The following TMEM45A variants were observed in gnomAD, a reference collection of about 807,000 sequenced individuals.
TMEM45A encodes transmembrane protein 45A.
In TMEM45A, 25 loss-of-function variants were observed where a neutral mutation model predicts 32.0. The observed-to-expected ratio is 0.78, with a 90% confidence interval of 0.57 to 1.09. The LOEUF is 1.09. TMEM45A is among the 50% of genes least tolerant of loss of function. TMEM45A has a pLI of 0.00. For synonymous variants in TMEM45A, 122 were observed against 114.8 expected, an observed-to-expected ratio of 1.06 and a Z score of -0.40; for missense variants, 302 against 325.0, an observed-to-expected ratio of 0.93 and a Z score of 0.54.
At chr3:100,539,185 C>T (rs1705800856) in intron 1 of TMEM45A, among the ~76,000 whole-genome samples, 1 of 152,048 alleles carries the variant, frequency 6.6e-6, no homozygotes, top group South Asian at 2.1e-4. Context: ...ACTGATACTA[C>T]CTGACTTCAA....
At chr3:100,515,658 G>A (rs1458450005) in intron 1 of TMEM45A, among the ~76,000 whole-genome samples, 1 of 150,678 alleles carries the variant, frequency 6.6e-6, no homozygotes, top group Non-Finnish European at 1.5e-5. Context: ...AAGAACTATT[G>A]AGCCACAAAA....
At chr3:100,576,188 C>G (rs6803109) in intron 5 of TMEM45A, among the ~76,000 whole-genome samples, 1 of 151,856 alleles carries the variant, frequency 6.6e-6, no homozygotes, top group Non-Finnish European at 1.5e-5. Context: ...CAGTGGCTCA[C>G]GCCTGTAATC....
chr3:100,512,653 A>G (rs1708186341), intron 1 of TMEM45A, among the ~76,000 whole-genome samples: 1 of 150,296 alleles, frequency 6.7e-6, no homozygotes, highest in African/African-American at 2.4e-5. Context: ...ATAGAGACAC[A>G]AAAAACCCTT....
At chr3:100,509,124 AT>A (rs2148933940) in intron 1 of TMEM45A, among the ~76,000 whole-genome samples, 1 of 152,346 alleles carries the variant, frequency 6.6e-6, no homozygotes, top group East Asian at 1.9e-4. Flanking sequence ...CAGAAAAAAA[AT>A]CCCATCAGAT....
At chr3:100,553,626 G>T (rs1259220329) in intron 1 of TMEM45A, among the ~76,000 whole-genome samples, 1 of 152,160 alleles carries the variant, frequency 6.6e-6, no homozygotes, top group East Asian at 1.9e-4. Context: ...TGGTGGTTAA[G>T]ATAATAAATC....
chr3:100,519,493 C>A (rs977754675), intron 1 of TMEM45A: 26 of 1,463,710 alleles, frequency 1.8e-5, no homozygotes, highest in Non-Finnish European at 2.1e-5. Flanking sequence ...GAAGCAAAGG[C>A]TCAATTTTGG....
intron 5 of TMEM45A, chr3:100,570,570 TGCCATTGAGTGAA>T (rs1291547042): frequency 2.0e-5 from 3 of 152,416 alleles, no homozygotes; most frequent in African/African-American, 7.2e-5. Context: ...AGACTGGCTC[TGCCATTGAGTGAA>T]ACTTGGCTTC....
intron 5 of TMEM45A, among the ~76,000 whole-genome samples, chr3:100,570,015 A>G (rs935265054): frequency 6.6e-6 from 1 of 152,222 alleles, no homozygotes; most frequent in Non-Finnish European, 1.5e-5. Flanking sequence ...GCTGATTTCA[A>G]TGACCAGGCA....
chr3:100,551,235 G>T (rs1457721703), intron 1 of TMEM45A, among the ~76,000 whole-genome samples: 4 of 152,040 alleles, frequency 2.6e-5, no homozygotes, highest in African/African-American at 9.7e-5. Context: ...GGATGGTCTC[G>T]ATCTCCTGAC....
Position 100,558,593 on chromosome 3 carries a change from A to T in TMEM45A, c.588+4A>T, listed in dbSNP as rs778701330. Reference sequence around the variant, plus strand: ...TCAGGGGAGCTGGTTCTTTCAGGTGAGTTGGGGCCTCTAGTTAATGTACCT... The same window carrying T: ...TCAGGGGAGCTGGTTCTTTCAGGTGTGTTGGGGCCTCTAGTTAATGTACCT... On this transcript the variant is annotated splice_donor_region_variant and intron_variant, in intron 4 of 5. Coordinates refer to ENST00000323523, the MANE Select transcript of TMEM45A (RefSeq NM_018004.3). 1 of 1,612,892 alleles carries T rather than the reference A, an allele frequency of 6.2e-7. No homozygotes were observed. The highest frequency in any genetic ancestry group is 1.7e-5 in the Admixed American group (1 of 59,898).
In TMEM45A at chr3:100,545,475, C is replaced by T. The variant is rs1705964187; in HGVS notation, c.-3-9734C>T. ...TAGCTGTATTTTTCATTATCTCCTA[C>T]CCCAGTGACTACAATGTCTCCTGCA... On this transcript the variant is annotated intron_variant, in intron 1 of 5. Coordinates refer to ENST00000323523, the MANE Select transcript of TMEM45A (RefSeq NM_018004.3). Among the ~76,000 whole-genome samples, 6 of 152,162 alleles carry T rather than the reference C, an allele frequency of 3.9e-5. No homozygotes were observed. In the South Asian group the frequency reaches 1.2e-3, roughly 32 times the overall value.
chr3:100,550,906 G>A (rs774442260), intron 1 of TMEM45A, among the ~76,000 whole-genome samples: 11 of 152,178 alleles, frequency 7.2e-5, no homozygotes, highest in African/African-American at 2.2e-4. Context: ...ATTAGAAGTG[G>A]AGGGCTTCTT....
At position 100,568,848 on chromosome 3, in the gene TMEM45A, T is replaced by C. The variant is rs1301372484; in HGVS notation, c.615T>C (p.Ser205=). ...FQIGFVLYPP[S]GGPAWDLMDH... ...TTGGATTTGTCCTGTATCCCCCCAG[T>C]GGAGGTCCTGCATGGGATCTGATGG... The change falls in exon 5 of 6, where the codon AGT becomes AGC. Residue 205 remains serine, a synonymous_variant. Coordinates refer to ENST00000323523, the MANE Select transcript of TMEM45A (RefSeq NM_018004.3). The C allele has an allele frequency of 6.2e-7, 1 of 1,613,330 alleles. No individual in the cohort carries two copies. Among genetic ancestry groups the C allele is most frequent in the African/African-American group, 1.3e-5 (1 of 74,926 alleles).
chr3:100,537,305 C>G (rs1390171771), intron 1 of TMEM45A, among the ~76,000 whole-genome samples: 2 of 152,028 alleles, frequency 1.3e-5, no homozygotes, highest in Non-Finnish European at 2.9e-5. Context: ...TAGTGGGCAA[C>G]AGGGAGCTGA....
chr3:100,545,612 T>G (rs1705966475), intron 1 of TMEM45A, among the ~76,000 whole-genome samples: 1 of 152,232 alleles, frequency 6.6e-6, no homozygotes, highest in Non-Finnish European at 1.5e-5. Flanking sequence ...AGATGACCTT[T>G]AAAGTTCTTC....
chr3:100,493,772 C>A (rs905714301), intron 1 of TMEM45A, among the ~76,000 whole-genome samples: 1 of 152,088 alleles, frequency 6.6e-6, no homozygotes, highest in Admixed American at 6.6e-5. Flanking sequence ...ACTCTTGTCG[C>A]CAAGGCTGGA....
intron 1 of TMEM45A, among the ~76,000 whole-genome samples, chr3:100,517,105 T>C (rs918461288): frequency 1.4e-5 from 2 of 139,410 alleles, no homozygotes; most frequent in African/African-American, 6.0e-5. Context: ...GACGTGGGAA[T>C]GAAATTTTTC....
intron 4 of TMEM45A, among the ~76,000 whole-genome samples, chr3:100,561,615 A>T (rs1453412533): frequency 6.6e-6 from 1 of 152,142 alleles, no homozygotes; most frequent in Non-Finnish European, 1.5e-5. Flanking sequence ...AAGAAAAAAA[A>T]ATCCTGCAAG....
At chr3:100,536,216 A>G (rs1705737019) in intron 1 of TMEM45A, among the ~76,000 whole-genome samples, 1 of 152,182 alleles carries the variant, frequency 6.6e-6, no homozygotes. Flanking sequence ...CAATAGTGCC[A>G]TTGTTGAGAA....
Sources: gnomAD v4.1 joint callset for allele counts (sites outside exome capture counted in the v4.1 genomes callset) on GRCh38, gnomAD v4.1.1 for gene constraint, MANE v1.5 for transcripts, NCBI Gene and HGNC (gene_info 2026-07-23, HGNC 2026-07-21) for gene names.